ANGPT4: variants seen among roughly 807,000 people sequenced by gnomAD.
ANGPT4 encodes angiopoietin 4, also known as angiopoietin-4.
A neutral mutation model predicts 53.0 loss-of-function variants in ANGPT4; 50 were observed. That is an observed-to-expected ratio of 0.94 (90% CI 0.75 to 1.20). The LOEUF is 1.20. Ranked by LOEUF, ANGPT4 falls within the 50% of genes most tolerant of loss-of-function variation. The pLI, the probability that ANGPT4 is intolerant of heterozygous loss-of-function variation, is 0.00. For missense variants in ANGPT4, 648 were observed against 637.1 expected (o/e 1.02, Z -0.18); for synonymous variants, 251 against 259.7 (o/e 0.97, Z 0.32).
intron 1 of ANGPT4, among the ~76,000 whole-genome samples, chr20:906,556 TC>T: frequency 6.6e-6 from 1 of 152,398 alleles, no homozygotes; most frequent in East Asian, 1.9e-4. Context: ...ATACTGCTTT[TC>T]CAGAGCTTAT....
intron 1 of ANGPT4, among the ~76,000 whole-genome samples, chr20:904,481 G>A (rs776466392): frequency 2.1e-4 from 30 of 143,880 alleles, no homozygotes; most frequent in Admixed American, 6.0e-4. Context: ...AGCTGGGCCT[G>A]TAGGATGTTT....
chr20:898,605 C>A (rs1213900765), intron 1 of ANGPT4, among the ~76,000 whole-genome samples: 1 of 152,174 alleles, frequency 6.6e-6, no homozygotes, highest in East Asian at 1.9e-4. Context: ...GAGATTCCGG[C>A]CCTCAAACCC....
intron 4 of ANGPT4, among the ~76,000 whole-genome samples, 179 bp downstream of exon 4, chr20:884,899 T>C (rs1424052964): frequency 6.6e-6 from 1 of 152,104 alleles, no homozygotes; most frequent in Non-Finnish European, 1.5e-5. Context: ...AGGGCCTGGA[T>C]TGGGATTGTT....
At chr20:904,903 G>C (rs1290138627) in intron 1 of ANGPT4, among the ~76,000 whole-genome samples, 2 of 152,204 alleles carry the variant, frequency 1.3e-5, no homozygotes, top group African/African-American at 4.8e-5. Context: ...TCCCAAAACA[G>C]TTGTGATTTT....
chr20:910,348 T>C (rs976886210), intron 1 of ANGPT4, among the ~76,000 whole-genome samples: 6 of 152,346 alleles, frequency 3.9e-5, no homozygotes, highest in South Asian at 4.1e-4. Flanking sequence ...AACTGCTTTT[T>C]CATCCTCCAC....
At chr20:891,134 A>T (rs73078187) in intron 1 of ANGPT4, among the ~76,000 whole-genome samples, 1,666 of 152,320 alleles carry the variant, frequency 0.011, 15 homozygotes, top group Non-Finnish European at 0.017. Context: ...TGAATTGATG[A>T]AAAAGGGGAA....
chr20:900,620 GT>G (rs1982249329), intron 1 of ANGPT4, among the ~76,000 whole-genome samples: 2 of 152,002 alleles, frequency 1.3e-5, no homozygotes, highest in Non-Finnish European at 2.9e-5. Flanking sequence ...ATTTTGTTTT[GT>G]TTTTCTTATT....
rs549544827 is a variant in ANGPT4, at chr20:875,025, TC to T, written c.1221-612del. On this transcript the variant is annotated intron_variant, in intron 7 of 8. Transcript: ENST00000381922. ...GTGAGCCACCGTGCCCGGCAACGTT[TC>T]TTTTTCTTTCTTTTTTTTCTATTCT... 4.2e-4 allele frequency among the ~76,000 whole-genome samples: 58 copies of T among 139,690 alleles called. 1 individual carries two copies. In the East Asian group the frequency reaches 0.011, roughly 26 times the overall value. The allele number at this position is 139,690 out of a possible 152,430, so 91.6% of individuals were successfully genotyped here. A position where few individuals can be genotyped will look rare whatever the true frequency, so the allele number is the denominator to read the frequency against.
At chr20:910,809 G>T (rs1982666877) in intron 1 of ANGPT4, among the ~76,000 whole-genome samples, 1 of 152,052 alleles carries the variant, frequency 6.6e-6, no homozygotes, top group South Asian at 2.1e-4. Flanking sequence ...GCTGCTGCTG[G>T]TGCCTGCCCT....
At chr20:915,821 G>A (rs1488979536) in intron 1 of ANGPT4, 85 bp downstream of exon 1, 1 of 1,453,976 alleles carries the variant, frequency 6.9e-7, no homozygotes, top group East Asian at 2.3e-5. Flanking sequence ...CTCAGGGAAG[G>A]CCTCTTGGAT....
intron 1 of ANGPT4, among the ~76,000 whole-genome samples, chr20:892,245 AAAC>A (rs1303733701): frequency 3.3e-5 from 5 of 152,248 alleles, no homozygotes; most frequent in South Asian, 2.1e-4. Context: ...CTCACTTAAA[AAAC>A]AACAACAACA....
At chr20:873,539 G>A (rs1025748121) in intron 8 of ANGPT4, among the ~76,000 whole-genome samples, 6 of 151,846 alleles carry the variant, frequency 4.0e-5, no homozygotes, top group African/African-American at 9.7e-5. Context: ...GTCTCTGTGC[G>A]TGGGTCTGTC....
At chr20:897,162 CA>C (rs1982089026) in intron 1 of ANGPT4, among the ~76,000 whole-genome samples, 1 of 152,198 alleles carries the variant, frequency 6.6e-6, no homozygotes, top group Admixed American at 6.5e-5. Context: ...AGTCCACCTG[CA>C]CCCAGGTGAT....
chr20:900,820 T>C (rs1568850380), intron 1 of ANGPT4, among the ~76,000 whole-genome samples: 1 of 151,638 alleles, frequency 6.6e-6, no homozygotes, highest in Admixed American at 6.6e-5. Flanking sequence ...TGAACCCCCT[T>C]GGACACTCTC....
chr20:875,338 T>C (rs1981122782), intron 7 of ANGPT4, among the ~76,000 whole-genome samples: 1 of 152,162 alleles, frequency 6.6e-6, no homozygotes, highest in Non-Finnish European at 1.5e-5. Context: ...CTTCCCTGAC[T>C]ACACCAGCCC....
At chr20:874,155 T>G (rs1361338813) in intron 8 of ANGPT4, 129 bp downstream of exon 8, 10 of 1,393,784 alleles carry the variant, frequency 7.2e-6, no homozygotes, top group African/African-American at 1.4e-5. Flanking sequence ...AGCTTATGGG[T>G]GGGCAAGGCC....
intron 1 of ANGPT4, among the ~76,000 whole-genome samples, chr20:903,979 C>T (rs1427334752): frequency 3.3e-5 from 5 of 152,162 alleles, no homozygotes; most frequent in African/African-American, 9.7e-5. Flanking sequence ...AAATAAAGTG[C>T]CAGAGGCTGT....
At chr20:896,584 T>G (rs1982061544) in intron 1 of ANGPT4, among the ~76,000 whole-genome samples, 1 of 152,166 alleles carries the variant, frequency 6.6e-6, no homozygotes, top group Non-Finnish European at 1.5e-5. Flanking sequence ...CCATGGAAAA[T>G]GGTGCATGAG....
At chr20:904,297 C>A (rs75767659) in intron 1 of ANGPT4, among the ~76,000 whole-genome samples, 25 of 152,318 alleles carry the variant, frequency 1.6e-4, no homozygotes, top group African/African-American at 6.0e-4. Context: ...TTCCATCCCA[C>A]CACCTGCCCT....
Sources: allele counts gnomAD v4.1 joint callset (sites outside exome capture counted in the v4.1 genomes callset), GRCh38; gene constraint gnomAD v4.1.1; transcripts MANE v1.5; gene names NCBI Gene and HGNC (gene_info 2026-07-23, HGNC 2026-07-21).